The following PTPRD variants were observed in gnomAD, a reference collection of about 807,000 sequenced individuals.
PTPRD encodes protein tyrosine phosphatase receptor type D.
A neutral mutation model predicts 214.5 loss-of-function variants in PTPRD; 34 were observed. The observed-to-expected ratio is 0.16, with a 90% CI of 0.12 to 0.21. The LOEUF is 0.21. Among genes scored for constraint, PTPRD ranks in the 10% least tolerant of loss-of-function variants. The probability of loss-of-function intolerance (pLI) is 1.00; values close to 1 mark genes in which losing one functional copy is unlikely to be tolerated. For missense variants in PTPRD, 2,545 were observed against 2,398.7 expected (o/e 1.06, Z -1.27); for synonymous variants, 1,128 against 845.7 (o/e 1.33, Z -5.79).
chr9:10,115,044 A>G (rs1048719501), intron 3 of PTPRD, among the ~76,000 whole-genome samples: 1 of 144,568 alleles, frequency 6.9e-6, no homozygotes, highest in African/African-American at 2.5e-5. Context: ...AAAAAAAACG[A>G]GAAAAAAAAA....
At chr9:9,888,241 T>G (rs759854903) in intron 5 of PTPRD, among the ~76,000 whole-genome samples, 6 of 152,146 alleles carry the variant, frequency 3.9e-5, no homozygotes. Flanking sequence ...AAGTAGAATA[T>G]GGATATTCCC....
rs1480486246 is a variant in PTPRD at position 10,305,401 on chromosome 9, A to AG, written c.-545+35561_-545+35562insC. Among the ~76,000 whole-genome samples the AG allele has an allele frequency of 2.3e-4, 34 of 149,380 alleles. No homozygotes were observed. The East Asian group carries it at 5.2e-3, about 23-fold the overall frequency. ...GCAATGGCAAAAAAAAAAAAAAAAAAAAGCCAAAATTGACAAATGGGATCT... is the reference window on the plus strand; with the variant it reads ...GCAATGGCAAAAAAAAAAAAAAAAAAGAAGCCAAAATTGACAAATGGGATCT... On this transcript the variant is annotated intron_variant, in intron 3 of 45. Transcript: ENST00000381196.
At chr9:8,942,005 C>A (rs2099036971) in intron 11 of PTPRD, among the ~76,000 whole-genome samples, 1 of 152,092 alleles carries the variant, frequency 6.6e-6, no homozygotes, top group South Asian at 2.1e-4. Flanking sequence ...GGGGTTTCAC[C>A]ATGTTGGCTA....
At chr9:8,995,535 C>G (rs148978465) in intron 11 of PTPRD, among the ~76,000 whole-genome samples, 1 of 152,004 alleles carries the variant, frequency 6.6e-6, no homozygotes, top group Non-Finnish European at 1.5e-5. Flanking sequence ...GTATGGGGCT[C>G]TTACAGAACT....
intron 5 of PTPRD, among the ~76,000 whole-genome samples, chr9:9,883,169 C>T (rs2069423529): frequency 6.6e-6 from 1 of 152,086 alleles, no homozygotes; most frequent in Non-Finnish European, 1.5e-5. Flanking sequence ...GAGGCGAACT[C>T]CCATCCTTGA....
intron 39 of PTPRD, among the ~76,000 whole-genome samples, chr9:8,363,263 A>G (rs1041340415): frequency 3.3e-5 from 5 of 152,236 alleles, no homozygotes; most frequent in African/African-American, 9.6e-5. Context: ...ATAATTTAAA[A>G]AACCCAGCAT....
chr9:9,044,112 A>T (rs2154385657), intron 10 of PTPRD, among the ~76,000 whole-genome samples: 1 of 152,240 alleles, frequency 6.6e-6, no homozygotes, highest in South Asian at 2.1e-4. Context: ...AAGACAATTA[A>T]GTTGGAAAAA....
chr9:10,417,279 T>C (rs2098500697), intron 2 of PTPRD, among the ~76,000 whole-genome samples: 1 of 151,950 alleles, frequency 6.6e-6, no homozygotes, highest in Non-Finnish European at 1.5e-5. Flanking sequence ...AATCGACCTG[T>C]GTACCTTCTT....
At chr9:10,489,352 C>A (rs2099153026) in intron 2 of PTPRD, among the ~76,000 whole-genome samples, 1 of 152,128 alleles carries the variant, frequency 6.6e-6, no homozygotes. Context: ...AAGTCTTCAC[C>A]ACCTTTCCCT....
chr9:9,879,461 G>C (rs1393714117), intron 5 of PTPRD, among the ~76,000 whole-genome samples: 1 of 152,186 alleles, frequency 6.6e-6, no homozygotes, highest in Non-Finnish European at 1.5e-5. Context: ...AAAATAGCTT[G>C]TATCATAGAG....
chr9:8,611,294 A>G (rs563217286), intron 14 of PTPRD, among the ~76,000 whole-genome samples: 5 of 152,326 alleles, frequency 3.3e-5, no homozygotes, highest in African/African-American at 9.6e-5. Context: ...TATCACAAAT[A>G]TTGGTAGGAC....
At chr9:9,403,246 G>C (rs2071604235) in intron 8 of PTPRD, among the ~76,000 whole-genome samples, 1 of 113,984 alleles carries the variant, frequency 8.8e-6, no homozygotes, top group Non-Finnish European at 1.6e-5. Flanking sequence ...AGCTGACATT[G>C]TGCCACTATA....
intron 9 of PTPRD, among the ~76,000 whole-genome samples, chr9:9,286,690 C>A (rs1949489813): frequency 6.6e-6 from 1 of 150,718 alleles, no homozygotes; most frequent in Admixed American, 6.7e-5. Context: ...CCTTGTCTTT[C>A]ATTTGAATCC....
chr9:9,929,967 A>G (rs2085823336), intron 5 of PTPRD, among the ~76,000 whole-genome samples: 1 of 152,212 alleles, frequency 6.6e-6, no homozygotes, highest in African/African-American at 2.4e-5. Flanking sequence ...CAGTACTCAT[A>G]CTCAAGGTTA....
chr9:8,710,723 G>A (rs780355655), intron 12 of PTPRD, among the ~76,000 whole-genome samples: 11 of 152,068 alleles, frequency 7.2e-5, no homozygotes, highest in South Asian at 2.1e-4. Flanking sequence ...AACAATTAAC[G>A]ATTTTATATC....
rs550456503 is a variant in PTPRD, at chr9:8,763,991, A to G, written c.-103-30045T>C. Among the ~76,000 whole-genome samples the G allele has an allele frequency of 7.2e-5, 11 of 152,352 alleles. No homozygotes were observed. The South Asian group carries it at 2.1e-3, about 29-fold the overall frequency. On this transcript the variant is annotated intron_variant, in intron 11 of 45. Coordinates refer to ENST00000381196, the MANE Select transcript of PTPRD (RefSeq NM_002839.4). ...TTTTAAATATCAGTTTCAAGAGTTC[A>G]TTAAAAATTATTGAGGGATTGTTTC...
In PTPRD at chr9:8,371,318, C is replaced by T. The variant is rs977791875; in HGVS notation, c.4661+4618G>A. Among the ~76,000 whole-genome samples, 16 of 152,108 alleles carry T rather than the reference C, an allele frequency of 1.1e-4. No homozygotes were observed. The South Asian group carries it at 2.9e-3, about 28-fold the overall frequency. On this transcript the variant is annotated intron_variant, in intron 39 of 45. Transcript: ENST00000381196. The stretch of plus-strand genomic sequence containing the variant: ...TATTTTTGTAAAAATTACTAAAATG[C>T]CATATGTAATTCAACAAACTTGGAC...
intron 3 of PTPRD, among the ~76,000 whole-genome samples, chr9:10,040,974 T>C (rs890164421): frequency 6.6e-6 from 1 of 152,074 alleles, no homozygotes; most frequent in African/African-American, 2.4e-5. Context: ...CAATTTCTAT[T>C]TGTTGTTTTG....
At chr9:9,491,058 C>G (rs1054921514) in intron 8 of PTPRD, among the ~76,000 whole-genome samples, 5 of 151,748 alleles carry the variant, frequency 3.3e-5, no homozygotes, top group Admixed American at 6.6e-5. Context: ...AAGAGACTCT[C>G]TTTAGATTCA....
Sources: allele counts gnomAD v4.1 joint callset (sites outside exome capture counted in the v4.1 genomes callset), GRCh38; gene constraint gnomAD v4.1.1; transcripts MANE v1.5; gene names NCBI Gene and HGNC (gene_info 2026-07-23, HGNC 2026-07-21).